Variants in NEGR1 observed in about 807,000 individuals in gnomAD.
NEGR1 encodes the protein neuronal growth regulator 1, also known as IgLON family member 4.
A neutral mutation model predicts 40.9 loss-of-function variants in NEGR1; 10 were observed. That is an observed-to-expected ratio of 0.24 (90% confidence interval 0.15 to 0.42). NEGR1 has a LOEUF of 0.42. Ranked by LOEUF, NEGR1 falls within the 10% of genes least tolerant of loss-of-function variation. The pLI is 1.00. For missense variants in NEGR1, 352 were observed against 438.9 expected (o/e 0.80, Z 1.77); for synonymous variants, 185 against 166.8 (o/e 1.11, Z -0.84).
chr1:71,567,899 C>G (rs1316719681), intron 6 of NEGR1, among the ~76,000 whole-genome samples: 2 of 151,818 alleles, frequency 1.3e-5, no homozygotes, highest in African/African-American at 4.8e-5. Context: ...TGTGAGGATG[C>G]AACCAGAAGT....
At chr1:71,500,595 C>CAGTTATCATTACATTAAAA (rs1475974938) in intron 6 of NEGR1, among the ~76,000 whole-genome samples, 1 of 151,942 alleles carries the variant, frequency 6.6e-6, no homozygotes, top group South Asian at 2.1e-4. Context: ...GATAATAGTA[C>CAGTTATCATTACATTAAAA]AGTTATCATT....
intron 6 of NEGR1, among the ~76,000 whole-genome samples, chr1:71,455,264 G>A (rs968621047): frequency 6.6e-5 from 10 of 151,972 alleles, no homozygotes; most frequent in Non-Finnish European, 1.5e-4. Context: ...TATATTATTC[G>A]GTACATAATA....
intron 4 of NEGR1, among the ~76,000 whole-genome samples, chr1:71,670,692 C>T (rs1224026243): frequency 2.0e-5 from 3 of 152,166 alleles, no homozygotes; most frequent in East Asian, 3.9e-4. Flanking sequence ...TAATTCTTCA[C>T]CAGTATTTTC....
At chr1:72,234,126 C>T (rs1257479151) in intron 1 of NEGR1, among the ~76,000 whole-genome samples, 4 of 152,092 alleles carry the variant, frequency 2.6e-5, no homozygotes, top group African/African-American at 9.7e-5. Context: ...CTGATCCTCT[C>T]TCACCTTTCA....
rs142466501 is a variant in NEGR1, at chr1:71,670,146, G to T, written c.667+27862C>A. ...CTTCCAGGGCTCATCTACCAGTGAT[G>T]AATTATCTTGGCTTTGCTTTATCAG... On this transcript the variant is annotated intron_variant, in intron 4 of 6. Transcript: ENST00000357731. Among the ~76,000 whole-genome samples the T allele has an allele frequency of 8.4e-3, 1,273 of 152,158 alleles. 13 individuals are homozygous for T. The highest frequency in any genetic ancestry group is 0.029 in the African/African-American group (1,209 of 41,514).
At chr1:72,189,759 T>C (rs1221672963) in intron 1 of NEGR1, among the ~76,000 whole-genome samples, 2 of 151,590 alleles carry the variant, frequency 1.3e-5, no homozygotes, top group African/African-American at 2.4e-5. Flanking sequence ...CAAGTAGATA[T>C]AGTAATAACC....
chr1:72,173,662 C>A (rs1652047824), intron 1 of NEGR1, among the ~76,000 whole-genome samples: 1 of 152,054 alleles, frequency 6.6e-6, no homozygotes, highest in South Asian at 2.1e-4. Flanking sequence ...AATATGAAGA[C>A]CGACATGGTG....
At chr1:71,445,421 A>C (rs1357856426) in intron 6 of NEGR1, among the ~76,000 whole-genome samples, 1 of 152,068 alleles carries the variant, frequency 6.6e-6, no homozygotes, top group Non-Finnish European at 1.5e-5. Flanking sequence ...GAGATTAAAA[A>C]AAAAAAACTC....
At chr1:72,204,643 A>T (rs1232180174) in intron 1 of NEGR1, among the ~76,000 whole-genome samples, 2 of 152,174 alleles carry the variant, frequency 1.3e-5, no homozygotes, top group African/African-American at 4.8e-5. Context: ...GTATTATTAT[A>T]GTTTGGGTTA....
intron 1 of NEGR1, among the ~76,000 whole-genome samples, chr1:72,121,676 G>A (rs901512051): frequency 5.9e-5 from 9 of 151,868 alleles, no homozygotes; most frequent in Admixed American, 3.9e-4. Context: ...AAAATATGAT[G>A]AGTCTATCAA....
chr1:71,557,016 C>G (rs1648275529), intron 6 of NEGR1, among the ~76,000 whole-genome samples: 1 of 151,512 alleles, frequency 6.6e-6, no homozygotes, highest in Admixed American at 6.6e-5. Flanking sequence ...ATTAGAAAGG[C>G]TATGAGTTGG....
chr1:71,932,782 T>C (rs1645867639), intron 2 of NEGR1, among the ~76,000 whole-genome samples: 1 of 152,124 alleles, frequency 6.6e-6, no homozygotes. Context: ...AAAACTATGC[T>C]GATACCCCTG....
chr1:71,439,909 T>C (rs1646536024), intron 6 of NEGR1: 1 of 152,016 alleles, frequency 6.6e-6, no homozygotes, highest in African/African-American at 2.4e-5. Flanking sequence ...TCTGTTCTTG[T>C]TTTTCTTCAG....
intron 1 of NEGR1, among the ~76,000 whole-genome samples, chr1:72,013,804 A>G (rs1646682384): frequency 6.6e-6 from 1 of 150,408 alleles, no homozygotes; most frequent in African/African-American, 2.4e-5. Flanking sequence ...CGCTACCCTG[A>G]CATTTGACAT....
chr1:72,043,054 C>A (rs1356162667), intron 1 of NEGR1, among the ~76,000 whole-genome samples: 1 of 151,764 alleles, frequency 6.6e-6, no homozygotes, highest in Non-Finnish European at 1.5e-5. Flanking sequence ...CATAGCATAC[C>A]AGGCCACATA....
At chr1:71,774,689 A>C (rs979043358) in intron 3 of NEGR1, among the ~76,000 whole-genome samples, 13 of 152,042 alleles carry the variant, frequency 8.6e-5, no homozygotes, top group African/African-American at 2.9e-4. Context: ...ATTTTCACAA[A>C]AAAAAAATAT....
At chr1:71,787,561 T>A (rs1424545215) in intron 2 of NEGR1, among the ~76,000 whole-genome samples, 1 of 149,326 alleles carries the variant, frequency 6.7e-6, no homozygotes, top group Non-Finnish European at 1.5e-5. Context: ...GAAATATTAA[T>A]TTTTTTTTTG....
At chr1:71,970,674 C>T (rs906774526) in intron 1 of NEGR1, among the ~76,000 whole-genome samples, 23 of 151,784 alleles carry the variant, frequency 1.5e-4, no homozygotes, top group Non-Finnish European at 1.3e-4. Flanking sequence ...GGCAACAGAG[C>T]GAGACTCTGT....
chr1:71,935,600 T>C (rs1397743721), intron 1 of NEGR1, among the ~76,000 whole-genome samples: 1 of 152,054 alleles, frequency 6.6e-6, no homozygotes, highest in Non-Finnish European at 1.5e-5. Context: ...CCTTTTTCAT[T>C]CTGTCTGGAT....
Sources: allele counts gnomAD v4.1 joint callset (sites outside exome capture counted in the v4.1 genomes callset), GRCh38; gene constraint gnomAD v4.1.1; transcripts MANE v1.5; gene names NCBI Gene and HGNC (gene_info 2026-07-23, HGNC 2026-07-21).